Variants in SASH1 observed in about 807,000 individuals in gnomAD.
SASH1 encodes the protein SAM and SH3 domain-containing protein 1.
A neutral mutation model predicts 125.2 loss-of-function variants in SASH1; 44 were observed. The observed-to-expected ratio is 0.35, with a 90% CI of 0.28 to 0.45. The LOEUF is 0.45. Ranked by LOEUF, SASH1 falls within the 20% of genes least tolerant of loss-of-function variation. The pLI is 1.00. For synonymous variants in SASH1, 639 were observed against 649.1 expected, an observed-to-expected ratio of 0.98 and a Z score of 0.24; for missense variants, 1,426 against 1,614.5, an observed-to-expected ratio of 0.88 and a Z score of 2.00.
Position 148,549,762 on chromosome 6 carries a change from T to TAAGTA in SASH1, c.*1205_*1209dup, listed in dbSNP as rs1782785578. The TAAGTA allele has an allele frequency of 2.5e-6, 1 of 392,674 alleles. No homozygotes were observed. The highest frequency in any genetic ancestry group is 4.4e-5 in the Admixed American group (1 of 22,510). 24.3% of individuals were successfully genotyped at this position (392,674 alleles called of 1,614,324 possible). The stretch of plus-strand genomic sequence containing the variant: ...CAGACAAATCTCATTAGCCATGTGT[T>TAAGTA]AAGTATTTGCTACTTTAAATTGTTT... On this transcript the variant is annotated 3_prime_UTR_variant, in exon 20 of 20. Coordinates refer to ENST00000367467, the MANE Select transcript of SASH1 (RefSeq NM_015278.5).
chr6:148,481,573 T>A (rs942917898), intron 7 of SASH1, among the ~76,000 whole-genome samples: 1 of 152,162 alleles, frequency 6.6e-6, no homozygotes, highest in Non-Finnish European at 1.5e-5. Flanking sequence ...ATTGCAGGGT[T>A]ATTAATTGGC....
chr6:148,309,083 C>CTAAAAA (rs1780224244), intron 1 of SASH1, among the ~76,000 whole-genome samples: 1 of 35,978 alleles, frequency 2.8e-5, no homozygotes, highest in Non-Finnish European at 5.1e-5. Flanking sequence ...GACTCTGTCT[C>CTAAAAA]CAAAAAAAAA....
At chr6:148,520,899 A>C (rs1201175860) in intron 10 of SASH1, among the ~76,000 whole-genome samples, 1 of 152,238 alleles carries the variant, frequency 6.6e-6, no homozygotes, top group Non-Finnish European at 1.5e-5. Flanking sequence ...AGGCAAGCAG[A>C]AAGTTCGTAA....
chr6:148,257,829 A>G, the SASH1 span, among the ~76,000 whole-genome samples: 1 of 151,834 alleles, frequency 6.6e-6, no homozygotes, highest in Non-Finnish European at 1.5e-5. Flanking sequence ...CGGGGTTTCA[A>G]CATGTTGCCC....
upstream of SASH1, among the ~76,000 whole-genome samples, chr6:148,339,746 T>C (rs752874301): frequency 1.4e-4 from 22 of 152,026 alleles, no homozygotes; most frequent in Non-Finnish European, 2.4e-4. Context: ...GGTTTTGTCA[T>C]GTTGGCCAGG....
chr6:148,453,781 G>A (rs1332128139), intron 4 of SASH1, among the ~76,000 whole-genome samples: 1 of 152,230 alleles, frequency 6.6e-6, no homozygotes, highest in Non-Finnish European at 1.5e-5. Context: ...AAAACCATCA[G>A]GACAGGGGAA....
At chr6:148,239,590 A>G in the SASH1 span, among the ~76,000 whole-genome samples, 18 of 152,292 alleles carry the variant, frequency 1.2e-4, no homozygotes, top group African/African-American at 3.8e-4. Context: ...ACACTTGCCA[A>G]TCAATCTCCA....
the SASH1 span, among the ~76,000 whole-genome samples, chr6:148,249,731 G>A: frequency 6.6e-6 from 1 of 152,166 alleles, no homozygotes; most frequent in Admixed American, 6.5e-5. Context: ...ACATTACCCT[G>A]TTTCAACCTC....
At chr6:148,335,159 G>A (rs1213434455) in intron 1 of SASH1, among the ~76,000 whole-genome samples, 2 of 151,420 alleles carry the variant, frequency 1.3e-5, no homozygotes, top group African/African-American at 4.9e-5. Flanking sequence ...TTAGCCAGGT[G>A]TGGTGGCATG....
chr6:148,372,834 G>A (rs1421505341), intron 1 of SASH1, among the ~76,000 whole-genome samples: 2 of 152,120 alleles, frequency 1.3e-5, no homozygotes, highest in African/African-American at 4.8e-5. Flanking sequence ...TTAGTTAGGG[G>A]AGGGAAACAA....
chr6:148,284,524 A>T (rs1390181910), intron 1 of SASH1, among the ~76,000 whole-genome samples: 1 of 152,122 alleles, frequency 6.6e-6, no homozygotes, highest in Non-Finnish European at 1.5e-5. Flanking sequence ...GCATAACCTA[A>T]CCTAGAGGTA....
the SASH1 span, among the ~76,000 whole-genome samples, chr6:148,264,294 C>T: frequency 9.9e-5 from 15 of 151,536 alleles, no homozygotes; most frequent in Non-Finnish European, 2.1e-4. Flanking sequence ...TAGAACAACT[C>T]TTACCCATAC....
intron 1 of SASH1, among the ~76,000 whole-genome samples, chr6:148,309,285 A>G (rs984181403): frequency 1.3e-5 from 2 of 152,124 alleles, no homozygotes; most frequent in African/African-American, 2.4e-5. Flanking sequence ...CTGCCTTTTC[A>G]GTGGTAAAGG....
rs768804300 is a variant in SASH1, at chr6:148,519,611, C to T, written c.927C>T (p.Gly309=). 1.2e-5 allele frequency: 20 copies of T among 1,614,024 alleles called. No homozygotes were observed. The Middle Eastern group carries it at 6.6e-4, about 53-fold the overall frequency. The part of the protein sequence containing the change: ...VLDERSALYS[G]VHKKPLFFDG... ...ATGAACGGTCCGCCCTCTACTCTGG[C>T]GTGCACAAGAAGCCCCTTTTCTTTG... Residue 309 remains glycine, a synonymous_variant, in exon 10 of 20, where the codon GGC becomes GGT. Transcript: ENST00000367467. The surrounding 1 kb of genome is among the most constrained non-coding windows in gnomAD (Gnocchi z 4.8).
intron 16 of SASH1, among the ~76,000 whole-genome samples, chr6:148,540,091 T>C (rs1366198618): frequency 6.6e-6 from 1 of 152,180 alleles, no homozygotes; most frequent in Non-Finnish European, 1.5e-5. Flanking sequence ...TTCTCCTTGA[T>C]GGTGCCATCA....
chr6:148,430,776 C>G (rs1380996254), intron 2 of SASH1, among the ~76,000 whole-genome samples: 3 of 152,182 alleles, frequency 2.0e-5, no homozygotes, highest in Non-Finnish European at 4.4e-5. Context: ...AGCAGGTTCC[C>G]AGGTGATGCT....
chr6:148,285,498 T>C (rs1205768485), intron 1 of SASH1, among the ~76,000 whole-genome samples: 1 of 152,202 alleles, frequency 6.6e-6, no homozygotes, highest in Admixed American at 6.5e-5. Context: ...GAGAACACTT[T>C]ACAGGTTTTG....
At chr6:148,400,816 C>T (rs1217069253) in intron 2 of SASH1, among the ~76,000 whole-genome samples, 3 of 152,184 alleles carry the variant, frequency 2.0e-5, no homozygotes, top group Non-Finnish European at 4.4e-5. Flanking sequence ...GGAGGTTTCT[C>T]TCGCTCCCTC....
chr6:148,402,924 T>A (rs1045353233), intron 2 of SASH1, among the ~76,000 whole-genome samples: 6 of 152,070 alleles, frequency 3.9e-5, no homozygotes, highest in African/African-American at 1.2e-4. Flanking sequence ...ACGACATTTT[T>A]AAAAGCACAT....
Sources: allele counts gnomAD v4.1 joint callset (sites outside exome capture counted in the v4.1 genomes callset), GRCh38; gene constraint gnomAD v4.1.1; non-coding constraint Gnocchi (gnomAD v3.1); transcripts MANE v1.5; gene names NCBI Gene and HGNC (gene_info 2026-07-23, HGNC 2026-07-21).